SLC25A12: variants seen among roughly 807,000 people sequenced by gnomAD.
SLC25A12 encodes solute carrier family 25 member 12.
In SLC25A12, 32 loss-of-function variants were observed where a neutral mutation model predicts 83.3. That is an observed-to-expected ratio of 0.38 (90% CI 0.29 to 0.52). SLC25A12 has a LOEUF of 0.52. SLC25A12 is among the 20% of genes least tolerant of loss of function. The probability of loss-of-function intolerance (pLI) is 0.84; values close to 1 mark genes in which losing one functional copy is unlikely to be tolerated. For missense variants in SLC25A12, 611 were observed against 835.6 expected, an observed-to-expected ratio of 0.73 and a Z score of 3.31; for synonymous variants, 267 against 291.1, an observed-to-expected ratio of 0.92 and a Z score of 0.84.
intron 15 of SLC25A12, among the ~76,000 whole-genome samples, chr2:171,790,341 C>G (rs1029068665): frequency 6.6e-6 from 1 of 151,916 alleles, no homozygotes; most frequent in Non-Finnish European, 1.5e-5. Flanking sequence ...CAAACATGCA[C>G]CCCTTCCTTC....
At chr2:171,864,234 G>A (rs936536595) in intron 3 of SLC25A12, among the ~76,000 whole-genome samples, 4 of 152,188 alleles carry the variant, frequency 2.6e-5, no homozygotes, top group Non-Finnish European at 5.9e-5. Context: ...CAACAGGTAG[G>A]AGAAAGAGCC....
intron 2 of SLC25A12, among the ~76,000 whole-genome samples, chr2:171,879,094 G>A (rs1685635049): frequency 6.6e-6 from 1 of 151,992 alleles, no homozygotes; most frequent in South Asian, 2.1e-4. Context: ...AATACATATG[G>A]CCAGTTTGAT....
chr2:171,844,408 C>A lies in SLC25A12; in HGVS notation c.426G>T (p.Lys142Asn). The A allele has an allele frequency of 1.2e-6, 2 of 1,614,104 alleles. No individual in the cohort carries two copies. The highest frequency in any genetic ancestry group is 8.5e-7 in the Non-Finnish European group (1 of 1,179,982). The change falls in exon 5 of 18, where the codon AAG becomes AAT. Residue 142 changes from lysine (K) to asparagine (N), a missense_variant. Lys to Asn is a moderately conservative substitution (Grantham distance 94). Coordinates refer to ENST00000422440, the MANE Select transcript of SLC25A12 (RefSeq NM_003705.5). ...TGAATTCTGTGTAGTTAAGATGCTT[C>A]TTCCGGTTATGCCCAAAATGCAGTC... ...FIRLHFGHNR[K>N]KHLNYTEFTQ...
At chr2:171,887,649 G>C (rs1432223993) in intron 2 of SLC25A12, among the ~76,000 whole-genome samples, 2 of 152,176 alleles carry the variant, frequency 1.3e-5, no homozygotes, top group Non-Finnish European at 2.9e-5. Flanking sequence ...GTACACTGCT[G>C]ATGTAGCTAA....
Position 171,894,209 on chromosome 2 carries a change from C to G in SLC25A12, c.6G>C (p.Ala2=). The change falls in exon 1 of 18, where the codon GCG becomes GCC. Residue 2 remains alanine, a synonymous_variant. Coordinates refer to ENST00000422440, the MANE Select transcript of SLC25A12 (RefSeq NM_003705.5). ...AGCAGAGAGTTGGAGTCACCTTGAC[C>G]GCCATGCTGTGCTCGGAAGCCGGGG... M[A]VKVQTTKRGD... is the part of the protein sequence containing the mutation. The G allele has an allele frequency of 6.2e-7, 1 of 1,609,002 alleles. No individual in the cohort carries two copies. Among genetic ancestry groups the G allele is most frequent in the Non-Finnish European group, 8.5e-7 (1 of 1,177,822 alleles).
At chr2:171,825,243 C>CA (rs1684277046) in intron 9 of SLC25A12, among the ~76,000 whole-genome samples, 1 of 152,196 alleles carries the variant, frequency 6.6e-6, no homozygotes, top group Non-Finnish European at 1.5e-5. Context: ...AGTATTAATA[C>CA]AAAATGCAGA....
chr2:171,894,063 T>TC (rs1685999325), intron 1 of SLC25A12, 140 bp downstream of exon 1: 5 of 1,187,566 alleles, frequency 4.2e-6, no homozygotes, highest in Non-Finnish European at 6.1e-6. Flanking sequence ...CGCACAGCTC[T>TC]CCCCGCAGCA....
In SLC25A12 at chr2:171,893,273, G is replaced by T. The variant is rs986892370; in HGVS notation, c.13-15C>A. ...GTTGTCTGCACCTGTAAGCAAAAAA[G>T]AAAAAAAAGCCAGTTAATGCTTCAC... On this transcript the variant is annotated splice_polypyrimidine_tract_variant and intron_variant, in intron 1 of 17. Transcript: ENST00000422440. 2 of 1,611,868 alleles carry T rather than the reference G, an allele frequency of 1.2e-6. No homozygotes were observed. Among genetic ancestry groups the T allele is most frequent in the Admixed American group, 1.7e-5 (1 of 59,838 alleles).
At chr2:171,787,451 G>A in intron 17 of SLC25A12, 120 bp downstream of exon 17, 1 of 838,380 alleles carries the variant, frequency 1.2e-6, no homozygotes, top group Non-Finnish European at 2.1e-6. Flanking sequence ...TAAATGCATT[G>A]GTCTTAAAGG....
rs542253247 is a variant in SLC25A12 at position 171,785,823 on chromosome 2, A to G, written c.1836-348T>C. On this transcript the variant is annotated intron_variant, in intron 17 of 17. Coordinates refer to ENST00000422440, the MANE Select transcript of SLC25A12 (RefSeq NM_003705.5). ...TTTTTTCTTTTTTCTTCTTGTAAAGATGGGGTCTTGCTATGTTGCCAAAGC... is the reference window on the plus strand; with the variant it reads ...TTTTTTCTTTTTTCTTCTTGTAAAGGTGGGGTCTTGCTATGTTGCCAAAGC... Among the ~76,000 whole-genome samples, 129 of 152,168 alleles carry G rather than the reference A, an allele frequency of 8.5e-4. 3 individuals carry two copies. In the South Asian group the frequency reaches 0.027, roughly 31 times the overall value.
intron 2 of SLC25A12, among the ~76,000 whole-genome samples, chr2:171,874,033 C>A (rs1202311127): frequency 1.3e-5 from 2 of 152,066 alleles, no homozygotes; most frequent in Middle Eastern, 3.2e-3. Context: ...TCGAGACCAG[C>A]CTGACCAACA....
chr2:171,788,328 T>C (rs1254666397), intron 15 of SLC25A12: 1 of 229,212 alleles, frequency 4.4e-6, no homozygotes, highest in Non-Finnish European at 8.7e-6. Context: ...AAAAAAATGA[T>C]AATGTCATCT....
chr2:171,893,237 C>G lies in SLC25A12; in HGVS notation c.34G>C (p.Asp12His). The change falls in exon 2 of 18, where the codon GAT becomes CAT. Residue 12 changes from aspartate to histidine, a missense_variant. Transcript: ENST00000422440. The stretch of plus-strand genomic sequence containing the variant: ...AATATGTTTCTTAACTCATGAGGAT[C>G]CCCTCGCTTAGTTGTCTGCACCTGT... The part of the protein sequence containing the change: ...AVKVQTTKRG[D>H]PHELRNIFLQ... 6.2e-7 allele frequency: 1 copy of G among 1,614,068 alleles called. No homozygotes were observed. Among genetic ancestry groups the G allele is most frequent in the Non-Finnish European group, 8.5e-7 (1 of 1,180,004 alleles).
At chr2:171,853,574 G>A (rs1272672042) in intron 4 of SLC25A12, among the ~76,000 whole-genome samples, 4 of 152,072 alleles carry the variant, frequency 2.6e-5, no homozygotes, top group East Asian at 1.9e-4. Flanking sequence ...CCAGGTACTC[G>A]GGAAGCTGAA....
intron 15 of SLC25A12, among the ~76,000 whole-genome samples, chr2:171,790,777 G>A (rs193278398): frequency 2.3e-3 from 351 of 151,208 alleles, no homozygotes; most frequent in African/African-American, 7.8e-3. Context: ...GTGTCATCTC[G>A]GCTCACCGCA....
intron 3 of SLC25A12, among the ~76,000 whole-genome samples, chr2:171,860,268 C>T (rs955963777): frequency 6.6e-6 from 1 of 152,064 alleles, no homozygotes; most frequent in African/African-American, 2.4e-5. Context: ...TTACTATGTG[C>T]GAGTCCTACA....
At chr2:171,790,218 G>C (rs1683417401) in intron 15 of SLC25A12, among the ~76,000 whole-genome samples, 1 of 152,238 alleles carries the variant, frequency 6.6e-6, no homozygotes, top group Admixed American at 6.5e-5. Flanking sequence ...TGTTTAGCCA[G>C]AGCCTCCAGA....
At chr2:171,844,534 C>A in intron 4 of SLC25A12, 26 bp from the exon 5 acceptor site, 2 of 1,460,506 alleles carry the variant, frequency 1.4e-6, no homozygotes, top group South Asian at 2.3e-5. Context: ...AAAAATAAAT[C>A]AATTATATCT....
At chr2:171,803,912 A>T (rs1389178503) in intron 13 of SLC25A12, among the ~76,000 whole-genome samples, 1 of 152,194 alleles carries the variant, frequency 6.6e-6, no homozygotes, top group Non-Finnish European at 1.5e-5. Context: ...GGATGTAGCC[A>T]CTTTGAAAAA....
Sources: allele counts gnomAD v4.1 joint callset (sites outside exome capture counted in the v4.1 genomes callset), GRCh38; gene constraint gnomAD v4.1.1; transcripts MANE v1.5; gene names NCBI Gene and HGNC (gene_info 2026-07-23, HGNC 2026-07-21).